CAMK1D: variants seen among roughly 807,000 people sequenced by gnomAD.
CAMK1D encodes the protein calcium/calmodulin dependent protein kinase ID, also known as calcium/calmodulin-dependent protein kinase type 1D.
CAMK1D carries 9 observed loss-of-function variants against 47.7 expected under a neutral mutation model. That is an observed-to-expected ratio of 0.19 (90% CI 0.11 to 0.33). The LOEUF (loss-of-function observed/expected upper bound fraction) is 0.33, where lower values mean the gene tolerates loss of function less well. Among genes scored for constraint, CAMK1D ranks in the 10% least tolerant of loss-of-function variants. The pLI, the probability that CAMK1D is intolerant of heterozygous loss-of-function variation, is 1.00. For synonymous variants in CAMK1D, 184 were observed against 184.9 expected (o/e 0.99, Z 0.04); for missense variants, 291 against 488.7 (o/e 0.60, Z 3.81).
At chr10:12,732,544 C>T (rs1446235973) in intron 3 of CAMK1D, among the ~76,000 whole-genome samples, 2 of 151,988 alleles carry the variant, frequency 1.3e-5, no homozygotes, top group African/African-American at 4.8e-5. Context: ...TACGTGGTGG[C>T]CGCAAGAGAA....
chr10:12,595,128 G>A (rs1413424017), intron 2 of CAMK1D, among the ~76,000 whole-genome samples: 1 of 151,918 alleles, frequency 6.6e-6, no homozygotes, highest in Non-Finnish European at 1.5e-5. Context: ...GATCATCTGA[G>A]GTCAGGAGTT....
At chr10:12,482,626 T>C (rs1399488678) in intron 1 of CAMK1D, among the ~76,000 whole-genome samples, 1 of 152,184 alleles carries the variant, frequency 6.6e-6, no homozygotes, top group South Asian at 2.1e-4. Context: ...ATGGGTTTTT[T>C]CCCCCATATG....
rs191642621 is a variant in CAMK1D, at chr10:12,497,099, A to G, written c.93-56126A>G. ...CCTTTTTATGGCTTCATCGTATTCC[A>G]TGGTGTATATGTACCACATTTTCTT... On this transcript the variant is annotated intron_variant, in intron 1 of 10. Transcript: ENST00000619168. Among the ~76,000 whole-genome samples, 645 of 152,278 alleles carry G rather than the reference A, an allele frequency of 4.2e-3. 4 individuals carry two copies. The highest frequency in any genetic ancestry group is 0.015 in the African/African-American group (629 of 41,544).
At chr10:12,724,708 A>G (rs1834537564) in intron 3 of CAMK1D, among the ~76,000 whole-genome samples, 1 of 152,160 alleles carries the variant, frequency 6.6e-6, no homozygotes, top group Non-Finnish European at 1.5e-5. Context: ...CATAGGAAGG[A>G]GATGCTTCTG....
chr10:12,439,892 C>T (rs1490970444), intron 1 of CAMK1D, among the ~76,000 whole-genome samples: 2 of 152,212 alleles, frequency 1.3e-5, no homozygotes, highest in Non-Finnish European at 2.9e-5. Flanking sequence ...GCACATCTTA[C>T]ATGGCGGCAG....
chr10:12,542,132 G>C (rs1836215981), intron 1 of CAMK1D, among the ~76,000 whole-genome samples: 1 of 151,960 alleles, frequency 6.6e-6, no homozygotes, highest in Admixed American at 6.6e-5. Context: ...TCCTGCCTTG[G>C]CCTCCCAAAG....
chr10:12,722,313 G>A (rs60807433), intron 3 of CAMK1D, among the ~76,000 whole-genome samples: 10,717 of 151,680 alleles, frequency 0.071, 1,177 homozygotes, highest in African/African-American at 0.24. Flanking sequence ...GGGCTTGGTG[G>A]TGGGTGCCTG....
In CAMK1D at chr10:12,482,498, AT is replaced by A. The variant is rs965540079; in HGVS notation, c.93-70718del. On this transcript the variant is annotated intron_variant, in intron 1 of 10. Coordinates refer to ENST00000619168, the MANE Select transcript of CAMK1D (RefSeq NM_153498.4). ...CAGGAAAGAAAGTTGGAATAATAGA[AT>A]TTTTTTTTCTCTCGAAGCAGTGAAT... is the stretch of plus-strand genomic sequence containing the variant. 2.3e-3 allele frequency among the ~76,000 whole-genome samples: 357 copies of A among 151,970 alleles called. 8 individuals are homozygous for A. The highest frequency in any genetic ancestry group is 9.6e-4 in the Non-Finnish European group (65 of 67,942).
At position 12,356,941 on chromosome 10, in the gene CAMK1D, A is replaced by G. The variant is rs1252102189; in HGVS notation, c.92+7031A>G. On this transcript the variant is annotated intron_variant, in intron 1 of 10. Coordinates refer to ENST00000619168, the MANE Select transcript of CAMK1D (RefSeq NM_153498.4). ...GCCAGGTGGAGATTTGTGTGCTCTC[A>G]GGGGAGGATTTCAAGGGTTAACTTG... 2.0e-5 allele frequency among the ~76,000 whole-genome samples: 3 copies of G among 152,168 alleles called. No homozygotes were observed. The East Asian group carries it at 5.8e-4, about 29-fold the overall frequency.
At chr10:12,655,781 T>A (rs938885997) in intron 2 of CAMK1D, among the ~76,000 whole-genome samples, 1 of 152,186 alleles carries the variant, frequency 6.6e-6, no homozygotes, top group Non-Finnish European at 1.5e-5. Context: ...TGGATGCTGA[T>A]GTGGGAGAAG....
At chr10:12,681,907 T>C (rs1299954028) in intron 3 of CAMK1D, among the ~76,000 whole-genome samples, 3 of 152,216 alleles carry the variant, frequency 2.0e-5, no homozygotes, top group Admixed American at 6.5e-5. Context: ...AATTAAATGA[T>C]GAGAGCTTAA....
chr10:12,615,479 TGTAG>T (rs1838756663), intron 2 of CAMK1D, among the ~76,000 whole-genome samples: 1 of 150,594 alleles, frequency 6.6e-6, no homozygotes. Context: ...TGTGCACGTG[TGTAG>T]GTGTGTGCAT....
At chr10:12,662,206 C>T (rs952346325) in intron 2 of CAMK1D, among the ~76,000 whole-genome samples, 1 of 152,094 alleles carries the variant, frequency 6.6e-6, no homozygotes, top group African/African-American at 2.4e-5. Context: ...ACAGATGGCC[C>T]AAAGTTGGGA....
At chr10:12,584,156 A>G (rs1837745562) in intron 2 of CAMK1D, among the ~76,000 whole-genome samples, 1 of 152,122 alleles carries the variant, frequency 6.6e-6, no homozygotes, top group Non-Finnish European at 1.5e-5. Context: ...TGATGCCTGA[A>G]CCCTAAGACT....
chr10:12,761,310 T>G (rs1836497607), intron 4 of CAMK1D, among the ~76,000 whole-genome samples: 1 of 152,162 alleles, frequency 6.6e-6, no homozygotes, highest in Admixed American at 6.5e-5. Flanking sequence ...GTTCATGAGA[T>G]TTTTACAACC....
chr10:12,444,339 T>C (rs1832869349), intron 1 of CAMK1D, among the ~76,000 whole-genome samples: 1 of 152,112 alleles, frequency 6.6e-6, no homozygotes, highest in African/African-American at 2.4e-5. Context: ...ATAAGAACCA[T>C]GATGGAAACC....
intron 2 of CAMK1D, among the ~76,000 whole-genome samples, chr10:12,571,312 G>A (rs1054512495): frequency 6.6e-6 from 1 of 151,924 alleles, no homozygotes; most frequent in African/African-American, 2.4e-5. Flanking sequence ...AGCCGGGCAT[G>A]GTGGCGCGTG....
At chr10:12,547,701 C>CACACACACACACACA (rs1554786385) in intron 1 of CAMK1D, among the ~76,000 whole-genome samples, 2 of 143,728 alleles carry the variant, frequency 1.4e-5, no homozygotes, top group African/African-American at 5.1e-5. Context: ...CACACACACA[C>CACACACACACACACA]CACTGTGTTA....
In CAMK1D at chr10:12,388,446, C is replaced by T. The variant is rs374298583; in HGVS notation, c.92+38536C>T. On this transcript the variant is annotated intron_variant, in intron 1 of 10. Transcript: ENST00000619168. ...ATTCTCTGTCTGTCAATAAGAGTGT[C>T]GAGGTTTAGAGCAGAGGCAAAAACT... Among the ~76,000 whole-genome samples the T allele has an allele frequency of 2.7e-4, 41 of 152,250 alleles. 2 individuals are homozygous for T. The highest frequency in any genetic ancestry group is 2.0e-3 in the Admixed American group (30 of 15,290).
Sources: allele counts gnomAD v4.1 joint callset (sites outside exome capture counted in the v4.1 genomes callset), GRCh38; gene constraint gnomAD v4.1.1; transcripts MANE v1.5; gene names NCBI Gene and HGNC (gene_info 2026-07-23, HGNC 2026-07-21).